The following ACADM variants were observed in gnomAD, a reference collection of about 807,000 sequenced individuals.
The protein encoded by ACADM is acyl-CoA dehydrogenase medium chain.
A neutral mutation model predicts 58.9 loss-of-function variants in ACADM; 49 were observed. The observed-to-expected ratio is 0.83, with a 90% CI of 0.66 to 1.06. The LOEUF is 1.06. Among genes scored for constraint, ACADM ranks in the 50% least tolerant of loss-of-function variants. The probability of loss-of-function intolerance (pLI) is 0.00; values close to 1 mark genes in which losing one functional copy is unlikely to be tolerated. For missense variants in ACADM, 496 were observed against 507.0 expected, an observed-to-expected ratio of 0.98 and a Z score of 0.21; for synonymous variants, 160 against 157.7, an observed-to-expected ratio of 1.01 and a Z score of -0.11.
intron 1 of ACADM, among the ~76,000 whole-genome samples, chr1:75,726,142 T>C (rs1429752082): frequency 6.6e-6 from 1 of 152,194 alleles, no homozygotes; most frequent in Non-Finnish European, 1.5e-5. Flanking sequence ...GTGCGGCGGC[T>C]CACGGTTGTG....
rs1553124501 is a variant in ACADM at position 75,744,505 on chromosome 1, T to G, written c.600-1301T>G. On this transcript the variant is annotated intron_variant, in intron 7 of 11. Transcript: ENST00000370841. ...TTCTGCAACTGTGTCTCCAACAGCT[T>G]TCTCCCACCTGACATCTCCCTCTGT... The G allele has an allele frequency of 5.9e-6, 9 of 1,534,182 alleles. No individual in the cohort carries two copies. In the South Asian group the frequency reaches 1.0e-4, roughly 17 times the overall value.
Position 75,739,981 on chromosome 1 carries a change from C to A in ACADM, c.470C>A (p.Ala157Asp). ...TTCTCTTGTTTTTATATATTCAAGG[C>A]TTATTGTGTAACAGAACCTGGAGCA... ...GRMTEEPLMC[A>D]YCVTEPGAGS... Residue 157 changes from alanine to aspartate, a missense_variant and splice_region_variant, in exon 7 of 12, where the codon GCT becomes GAT. By Grantham distance (126) the Ala-to-Asp change is moderately radical. Transcript: ENST00000370841. The A allele has an allele frequency of 6.2e-7, 1 of 1,608,872 alleles. No homozygotes were observed. Among genetic ancestry groups the A allele is most frequent in the Non-Finnish European group, 8.5e-7 (1 of 1,176,874 alleles).
chr1:75,745,785 T>G (rs1647861923), intron 7 of ACADM, 21 bp from the exon 8 acceptor site: 8 of 1,534,216 alleles, frequency 5.2e-6, no homozygotes, highest in Admixed American at 1.7e-5. Flanking sequence ...ATCACCATTA[T>G]CCGGTATGTG....
rs1261786700 is a variant in ACADM, at chr1:75,761,177, G to T, written c.1001G>T (p.Arg334Ile). The change falls in exon 11 of 12, where the codon AGA becomes ATA. Residue 334 changes from arginine to isoleucine, a missense_variant. Coordinates refer to ENST00000370841, the MANE Select transcript of ACADM (RefSeq NM_000016.6). ...ATGGCAATGAAAGTTGAACTAGCTA[G>T]AATGAGTTACCAGAGAGCAGCTTGG... ...AEMAMKVELARMSYQRAAWEV... is the reference protein window; with the variant it reads ...AEMAMKVELAIMSYQRAAWEV... The T allele has an allele frequency of 6.2e-7, 1 of 1,614,044 alleles. No individual in the cohort carries two copies. Among genetic ancestry groups the T allele is most frequent in the East Asian group, 2.2e-5 (1 of 44,886 alleles).
intron 1 of ACADM, among the ~76,000 whole-genome samples, chr1:75,725,241 GAA>G (rs72165091): frequency 6.7e-6 from 1 of 148,324 alleles, no homozygotes; most frequent in Non-Finnish European, 1.5e-5. Context: ...TTGCTTACGG[GAA>G]AAAAAAAAGT....
intron 10 of ACADM, among the ~76,000 whole-genome samples, chr1:75,755,385 G>A (rs955383375): frequency 3.3e-5 from 5 of 152,290 alleles, no homozygotes; most frequent in East Asian, 3.9e-4. Context: ...CACCTCATAC[G>A]TCCGGGTGCC....
chr1:75,733,520 T>TTCTTGTCGTC lies in ACADM; in HGVS notation c.287-8_287-7insTCTTGTCGTC, dbSNP rs1647187099. On this transcript the variant is annotated splice_polypyrimidine_tract_variant and splice_region_variant and intron_variant, in intron 4 of 11. Transcript: ENST00000370841. ...ATTACAATGTGTTGAAACATTTTGATACTGTAGGAGGTCTTGGACTTGGAA... is the reference window on the plus strand; with the variant it reads ...ATTACAATGTGTTGAAACATTTTGATTCTTGTCGTCACTGTAGGAGGTCTTGGACTTGGAA... The TTCTTGTCGTC allele has an allele frequency of 6.2e-7, 1 of 1,605,226 alleles. No individual in the cohort carries two copies. The highest frequency in any genetic ancestry group is 1.3e-5 in the African/African-American group (1 of 74,712).
chr1:75,742,133 T>C (rs1342881400), intron 7 of ACADM, among the ~76,000 whole-genome samples: 1 of 152,022 alleles, frequency 6.6e-6, no homozygotes, highest in Admixed American at 6.6e-5. Context: ...GCACTCAGTA[T>C]TGGCTCCCAC....
At chr1:75,758,123 C>T (rs751210895) in intron 10 of ACADM, among the ~76,000 whole-genome samples, 18 of 151,972 alleles carry the variant, frequency 1.2e-4, no homozygotes, top group Admixed American at 2.6e-4. Context: ...AGTGTAATGG[C>T]GTAATCTTGG....
In ACADM at chr1:75,733,509, A is replaced by T; in HGVS notation, c.287-19A>T. The T allele has an allele frequency of 6.3e-7, 1 of 1,590,730 alleles. No individual in the cohort carries two copies. Among genetic ancestry groups the T allele is most frequent in the Non-Finnish European group, 8.6e-7 (1 of 1,158,768 alleles). ...ATGTACTACATATTACAATGTGTTG[A>T]AACATTTTGATACTGTAGGAGGTCT... On this transcript the variant is annotated intron_variant, in intron 4 of 11. Coordinates refer to ENST00000370841, the MANE Select transcript of ACADM (RefSeq NM_000016.6).
rs551916973 is a variant in ACADM, at chr1:75,729,885, ATTTTTTTTTTT to A, written c.118+1414_118+1424del. On this transcript the variant is annotated intron_variant, in intron 2 of 11. Transcript: ENST00000370841. ...TGAGGATAGCCATTTGGGATGGTGG[ATTTTTTTTTTT>A]TTTTTTTTTTTTTTTTGAGACTGAG... is the stretch of plus-strand genomic sequence containing the variant. Among the ~76,000 whole-genome samples, 118 of 73,886 alleles carry A rather than the reference ATTTTTTTTTTT, an allele frequency of 1.6e-3. 1 individual carries two copies. Among genetic ancestry groups the A allele is most frequent in the African/African-American group, 5.3e-3 (95 of 18,022 alleles). 48.5% of individuals were successfully genotyped at this position (73,886 alleles called of 152,430 possible). A position where few individuals can be genotyped will look rare whatever the true frequency, so the allele number is the denominator to read the frequency against.
chr1:75,743,682 A>G, intron 7 of ACADM: 3 of 1,473,124 alleles, frequency 2.0e-6, no homozygotes, highest in Non-Finnish European at 2.9e-6. Context: ...AGGTACCACC[A>G]TCCATATCTT....
chr1:75,737,136 A>G (rs1357750926), intron 6 of ACADM, among the ~76,000 whole-genome samples: 1 of 151,052 alleles, frequency 6.6e-6, no homozygotes, highest in African/African-American at 2.4e-5. Context: ...ATGATCAAAT[A>G]AGAAGCCAAG....
At chr1:75,743,436 G>A in intron 7 of ACADM, 5 of 1,610,286 alleles carry the variant, frequency 3.1e-6, no homozygotes, top group South Asian at 2.2e-5. Context: ...CAAAGAGGAG[G>A]ACTCTGGGAT....
intron 10 of ACADM, among the ~76,000 whole-genome samples, chr1:75,752,834 A>G (rs1222595821): frequency 6.6e-6 from 1 of 152,184 alleles, no homozygotes. Context: ...ATTTGTAAAC[A>G]ACTTACCTGC....
chr1:75,731,820 T>G (rs1647153744), intron 2 of ACADM, among the ~76,000 whole-genome samples: 1 of 151,514 alleles, frequency 6.6e-6, no homozygotes, highest in Admixed American at 6.6e-5. Context: ...AGGCCACGAG[T>G]TCAAGACCAG....
At chr1:75,736,624 T>C (rs1647276134) in intron 6 of ACADM, among the ~76,000 whole-genome samples, 1 of 152,226 alleles carries the variant, frequency 6.6e-6, no homozygotes, top group Non-Finnish European at 1.5e-5. Context: ...GCCAAGTCTG[T>C]TATACAAAAT....
intron 8 of ACADM, among the ~76,000 whole-genome samples, chr1:75,747,622 C>CA (rs1164978767): frequency 2.0e-5 from 3 of 152,020 alleles, no homozygotes. Flanking sequence ...TTTACCTCTA[C>CA]AAAAAAATTT....
intron 10 of ACADM, among the ~76,000 whole-genome samples, chr1:75,757,625 A>C (rs569808892): frequency 6.6e-6 from 1 of 152,370 alleles, no homozygotes; most frequent in South Asian, 2.1e-4. Context: ...AAACTAGTTC[A>C]ACCATTGTGG....
Sources: gnomAD v4.1 joint callset for allele counts (sites outside exome capture counted in the v4.1 genomes callset) on GRCh38, gnomAD v4.1.1 for gene constraint, MANE v1.5 for transcripts, NCBI Gene and HGNC (gene_info 2026-07-23, HGNC 2026-07-21) for gene names.